The following FOXP1 variants were observed in gnomAD, a reference collection of about 807,000 sequenced individuals.
FOXP1 encodes forkhead box P1.
FOXP1 carries 15 observed loss-of-function variants against 98.2 expected under a neutral mutation model. That is an observed-to-expected ratio of 0.15 (90% CI 0.10 to 0.24). The LOEUF (loss-of-function observed/expected upper bound fraction) is 0.24. FOXP1 is among the 10% of genes least tolerant of loss of function. The pLI is 1.00. For missense variants in FOXP1, 633 were observed against 848.5 expected, an observed-to-expected ratio of 0.75 and a Z score of 3.15; for synonymous variants, 371 against 314.5, an observed-to-expected ratio of 1.18 and a Z score of -1.90.
intron 3 of FOXP1, among the ~76,000 whole-genome samples, chr3:71,361,026 C>T (rs563431824): frequency 6.6e-6 from 1 of 152,282 alleles, no homozygotes; most frequent in South Asian, 2.1e-4. Context: ...TGTGCATAAA[C>T]TCTTTGCACA....
intron 3 of FOXP1, among the ~76,000 whole-genome samples, chr3:71,434,696 A>G (rs1314998138): frequency 6.7e-6 from 1 of 149,988 alleles, no homozygotes; most frequent in East Asian, 1.9e-4. Flanking sequence ...GTGAGGAGTT[A>G]GACTTAAATG....
chr3:71,019,661 C>A (rs1215607584), intron 11 of FOXP1, among the ~76,000 whole-genome samples: 1 of 152,042 alleles, frequency 6.6e-6, no homozygotes, highest in Non-Finnish European at 1.5e-5. Flanking sequence ...GAAACCCTGT[C>A]TCTACTAAAA....
At chr3:71,029,285 CAA>C (rs2046543725) in intron 11 of FOXP1, among the ~76,000 whole-genome samples, 2 of 152,154 alleles carry the variant, frequency 1.3e-5, no homozygotes, top group African/African-American at 4.8e-5. Flanking sequence ...TGGCAATGGA[CAA>C]GAGAGTTAAA....
intron 4 of FOXP1, among the ~76,000 whole-genome samples, chr3:71,357,441 T>C (rs996430678): frequency 2.0e-5 from 3 of 152,228 alleles, no homozygotes; most frequent in Non-Finnish European, 4.4e-5. Flanking sequence ...AGGCATTCAT[T>C]GAAAATAAAT....
chr3:71,267,598 C>T (rs889678297), intron 5 of FOXP1, among the ~76,000 whole-genome samples: 5 of 152,182 alleles, frequency 3.3e-5, no homozygotes, highest in South Asian at 4.1e-4. Flanking sequence ...AATAGAGACA[C>T]AGTTTGCAAA....
chr3:71,295,201 G>C (rs748510943), intron 5 of FOXP1, among the ~76,000 whole-genome samples: 2 of 152,146 alleles, frequency 1.3e-5, no homozygotes, highest in East Asian at 3.8e-4. Context: ...ACTGCTTCCA[G>C]TGTCTTCATA....
At chr3:71,168,847 CT>C (rs1411720814) in intron 6 of FOXP1, among the ~76,000 whole-genome samples, 1 of 152,068 alleles carries the variant, frequency 6.6e-6, no homozygotes, top group Non-Finnish European at 1.5e-5. Flanking sequence ...CTAGATTTTT[CT>C]TTTTTTAAAC....
chr3:71,026,178 T>C (rs753211114), intron 11 of FOXP1, among the ~76,000 whole-genome samples: 11 of 152,228 alleles, frequency 7.2e-5, no homozygotes, highest in South Asian at 6.2e-4. Context: ...GACTAAAATA[T>C]ATCTAGTGTC....
rs1208681803 is a variant in FOXP1, at chr3:70,958,543, T to A, written c.*704A>T. 7.3e-6 allele frequency: 2 copies of A among 275,370 alleles called. No individual in the cohort carries two copies. The highest frequency in any genetic ancestry group is 1.4e-5 in the Non-Finnish European group (2 of 145,138). The allele number at this position is 275,370 out of a possible 1,614,324, so 17.1% of individuals were successfully genotyped here. On this transcript the variant is annotated 3_prime_UTR_variant, in exon 21 of 21. Coordinates refer to ENST00000649528, the MANE Select transcript of FOXP1 (RefSeq NM_001349338.3). Reference sequence around the variant, plus strand: ...TAATAAAAACACCTATTAACATTCATCACAAGGTACAGAAAACTTTAAGCC... The same window carrying A: ...TAATAAAAACACCTATTAACATTCAACACAAGGTACAGAAAACTTTAAGCC...
At chr3:71,536,969 G>A (rs1011955193) in intron 2 of FOXP1, among the ~76,000 whole-genome samples, 3 of 152,116 alleles carry the variant, frequency 2.0e-5, no homozygotes, top group Non-Finnish European at 1.5e-5. Flanking sequence ...TCTGCCTCCT[G>A]CCCACCTGAG....
rs143336890 is a variant in FOXP1 at position 71,219,977 on chromosome 3, C to T, written c.-11-21585G>A. ...CAAGGCCTTTCTGTCTCTACCTCTCCGCCTCCACCATGAACCCTGGTGGGG... is the reference window on the plus strand; with the variant it reads ...CAAGGCCTTTCTGTCTCTACCTCTCTGCCTCCACCATGAACCCTGGTGGGG... On this transcript the variant is annotated intron_variant, in intron 5 of 20. Coordinates refer to ENST00000649528, the MANE Select transcript of FOXP1 (RefSeq NM_001349338.3). Among the ~76,000 whole-genome samples the T allele has an allele frequency of 5.0e-3, 767 of 152,274 alleles. 7 individuals carry two copies. Among genetic ancestry groups the T allele is most frequent in the African/African-American group, 0.018 (740 of 41,556 alleles).
chr3:71,319,111 C>T (rs4677034), intron 4 of FOXP1, among the ~76,000 whole-genome samples: 65,319 of 152,000 alleles, frequency 0.43, 16,807 homozygotes, highest in East Asian at 0.89. Flanking sequence ...ACCACTTGAC[C>T]GCTTTACTGC....
At chr3:71,520,073 A>T (rs1179022324) in intron 2 of FOXP1, among the ~76,000 whole-genome samples, 1 of 152,252 alleles carries the variant, frequency 6.6e-6, no homozygotes, top group African/African-American at 2.4e-5. Flanking sequence ...AGAAAGAAGA[A>T]AAGAAAGTGC....
intron 5 of FOXP1, among the ~76,000 whole-genome samples, chr3:71,239,522 C>CAACA (rs1236283668): frequency 3.3e-5 from 5 of 152,048 alleles, no homozygotes; most frequent in Non-Finnish European, 5.9e-5. Context: ...CCAGCCTGGG[C>CAACA]AACAGAGCAA....
At chr3:71,557,422 TG>T (rs2046223078) in intron 2 of FOXP1, among the ~76,000 whole-genome samples, 1 of 150,556 alleles carries the variant, frequency 6.6e-6, no homozygotes, top group Admixed American at 6.6e-5. Flanking sequence ...ACCCCAGCTA[TG>T]GCACACAGCA....
chr3:71,047,437 T>G (rs978524979), intron 9 of FOXP1, among the ~76,000 whole-genome samples: 1 of 152,202 alleles, frequency 6.6e-6, no homozygotes, highest in Admixed American at 6.5e-5. Flanking sequence ...ACTGCATCAC[T>G]CTAGTCTGAA....
chr3:71,340,677 T>A (rs2076959012), intron 4 of FOXP1, among the ~76,000 whole-genome samples: 1 of 152,138 alleles, frequency 6.6e-6, no homozygotes, highest in Non-Finnish European at 1.5e-5. Context: ...GCTACTGAAG[T>A]TAATGTTGGT....
chr3:71,072,506 T>C (rs1339280544), intron 7 of FOXP1, among the ~76,000 whole-genome samples: 1 of 152,244 alleles, frequency 6.6e-6, no homozygotes, highest in African/African-American at 2.4e-5. Context: ...CTCTAGGTCA[T>C]AAGCCCTATG....
chr3:71,458,422 A>ATTTCTCAAG (rs1345652234), intron 3 of FOXP1, among the ~76,000 whole-genome samples: 1 of 152,182 alleles, frequency 6.6e-6, no homozygotes, highest in African/African-American at 2.4e-5. Flanking sequence ...CATACTGTCA[A>ATTTCTCAAG]TTTCTCAAGG....
Sources: allele counts gnomAD v4.1 joint callset (sites outside exome capture counted in the v4.1 genomes callset), GRCh38; gene constraint gnomAD v4.1.1; transcripts MANE v1.5; gene names NCBI Gene and HGNC (gene_info 2026-07-23, HGNC 2026-07-21).